The following TNFRSF10D variants were observed in gnomAD, a reference collection of about 807,000 sequenced individuals.
The protein encoded by TNFRSF10D is TNF receptor superfamily member 10d, also known as tumor necrosis factor receptor superfamily member 10D.
TNFRSF10D carries 28 observed loss-of-function variants against 42.1 expected under a neutral mutation model. That is an observed-to-expected ratio of 0.66 (90% CI 0.49 to 0.91). The LOEUF (loss-of-function observed/expected upper bound fraction) is 0.91, where lower values mean the gene tolerates loss of function less well. TNFRSF10D is among the 40% of genes least tolerant of loss of function. The pLI is 0.00. For missense variants in TNFRSF10D, 503 were observed against 486.1 expected (o/e 1.03, Z -0.33); for synonymous variants, 186 against 189.4 (o/e 0.98, Z 0.15).
intron 7 of TNFRSF10D, among the ~76,000 whole-genome samples, chr8:23,143,614 C>T (rs1354276103): frequency 6.6e-6 from 1 of 151,952 alleles, no homozygotes; most frequent in Non-Finnish European, 1.5e-5. Context: ...GAAAGTGAAC[C>T]TTGTCTAGGT....
At position 23,147,062 on chromosome 8, in the gene TNFRSF10D, A is replaced by T; in HGVS notation, c.381T>A (p.Asn127Lys). ...CTCTGGTCGTGGTACAGGAACTTTTATTTGTTTGACCTGACAACAGAGCAT... is the reference window on the plus strand; with the variant it reads ...CTCTGGTCGTGGTACAGGAACTTTTTTTTGTTTGACCTGACAACAGAGCAT... ...LCTVCKSGQT[N>K]KSSCTTTRDT... The change falls in exon 4 of 9, where the codon AAT becomes AAA. Residue 127 changes from asparagine to lysine, a missense_variant. By Grantham distance (94) the Asn-to-Lys change is moderately conservative. Transcript: ENST00000312584. 1 of 1,613,582 alleles carries T rather than the reference A, an allele frequency of 6.2e-7. No individual in the cohort carries two copies. Among genetic ancestry groups the T allele is most frequent in the Middle Eastern group, 1.7e-4 (1 of 6,060 alleles).
chr8:23,160,622 G>C (rs1800353680), intron 1 of TNFRSF10D, among the ~76,000 whole-genome samples: 1 of 152,176 alleles, frequency 6.6e-6, no homozygotes, highest in African/African-American at 2.4e-5. Context: ...TCTCTGGCTG[G>C]GAGCAGGATA....
At chr8:23,138,671 T>G (rs185302222) in intron 7 of TNFRSF10D, among the ~76,000 whole-genome samples, 904 of 152,104 alleles carry the variant, frequency 5.9e-3, no homozygotes, top group African/African-American at 0.018. Flanking sequence ...CAGGAAAACC[T>G]AACAAAATGA....
intron 2 of TNFRSF10D, among the ~76,000 whole-genome samples, chr8:23,153,304 G>T (rs1316527932): frequency 6.6e-6 from 1 of 152,002 alleles, no homozygotes; most frequent in Non-Finnish European, 1.5e-5. Context: ...CATGACGTTG[G>T]TGTGGGCATT....
At chr8:23,147,859 G>A (rs546759663) in intron 3 of TNFRSF10D, among the ~76,000 whole-genome samples, 20 of 152,008 alleles carry the variant, frequency 1.3e-4, no homozygotes, top group African/African-American at 3.4e-4. Flanking sequence ...TCAGGAGATC[G>A]AGACCATCCT....
At position 23,140,176 on chromosome 8, in the gene TNFRSF10D, C is replaced by G. The variant is rs369718477; in HGVS notation, c.955-1916G>C. ...TGGCAGTGTGCGCCTGTAATCCCAG[C>G]TGCTGGGGAGGCTGAGGCAGGAGAA... On this transcript the variant is annotated intron_variant, in intron 7 of 8. Coordinates refer to ENST00000312584, the MANE Select transcript of TNFRSF10D (RefSeq NM_003840.5). Among the ~76,000 whole-genome samples, 3 of 152,228 alleles carry G rather than the reference C, an allele frequency of 2.0e-5. No individual in the cohort carries two copies. In the East Asian group the frequency reaches 5.8e-4, roughly 29 times the overall value.
At position 23,164,008 on chromosome 8, in the gene TNFRSF10D, A is replaced by C. The variant is rs1800415964; in HGVS notation, c.-73T>G. The C allele has an allele frequency of 1.4e-6, 2 of 1,467,324 alleles. No homozygotes were observed. Among genetic ancestry groups the C allele is most frequent in the African/African-American group, 2.9e-5 (2 of 68,912 alleles). The allele number at this position is 1,467,324 out of a possible 1,614,324, so 90.9% of individuals were successfully genotyped here. A position where few individuals can be genotyped will look rare whatever the true frequency, so the allele number is the denominator to read the frequency against. On this transcript the variant is annotated 5_prime_UTR_variant, in exon 1 of 9. Transcript: ENST00000312584. ...CGTCCCCGTAGTTTGTGCGCGTGCA[A>C]AGGTTCTCGCAGCTACACTGCCAGA...
In TNFRSF10D at chr8:23,145,042, G is replaced by A; in HGVS notation, c.768+16C>T. The A allele has an allele frequency of 1.9e-6, 3 of 1,614,116 alleles. No individual in the cohort carries two copies. Among genetic ancestry groups the A allele is most frequent in the East Asian group, 2.2e-5 (1 of 44,878 alleles). ...TGAACCCACGAAGCCCCCAGTTTCT[G>A]GAGAAACCAACTCACTCTGTGCACA... On this transcript the variant is annotated intron_variant, in intron 6 of 8. Transcript: ENST00000312584.
At position 23,146,993 on chromosome 8, in the gene TNFRSF10D, G is replaced by A. The variant is rs751643747; in HGVS notation, c.450C>T (p.Asn150=). 3.7e-6 allele frequency: 6 copies of A among 1,613,282 alleles called. No homozygotes were observed. The highest frequency in any genetic ancestry group is 5.1e-6 in the Non-Finnish European group (6 of 1,180,026). ...QCEKGSFQDK[N]SPEMCRTCRT... is the part of the protein sequence containing the mutation. ...TACACGTCCGGCACATCTCAGGGGAGTTTTTATCCTGGAAGCTTCCTTTTT... is the reference window on the plus strand; with the variant it reads ...TACACGTCCGGCACATCTCAGGGGAATTTTTATCCTGGAAGCTTCCTTTTT... Residue 150 remains asparagine (N), a synonymous_variant, in exon 4 of 9, where the codon AAC becomes AAT. Coordinates refer to ENST00000312584, the MANE Select transcript of TNFRSF10D (RefSeq NM_003840.5).
intron 1 of TNFRSF10D, among the ~76,000 whole-genome samples, chr8:23,158,695 C>T (rs1156838928): frequency 2.0e-5 from 3 of 152,272 alleles, no homozygotes; most frequent in African/African-American, 7.2e-5. Context: ...TAACTGGGTA[C>T]TGACTTTTTA....
chr8:23,145,933 C>A lies in TNFRSF10D; in HGVS notation c.483-12G>T. The A allele has an allele frequency of 6.2e-7, 1 of 1,614,004 alleles. No individual in the cohort carries two copies. Among genetic ancestry groups the A allele is most frequent in the Non-Finnish European group, 8.5e-7 (1 of 1,180,020 alleles). On this transcript the variant is annotated splice_polypyrimidine_tract_variant and intron_variant, in intron 4 of 8. Transcript: ENST00000312584. ...TCCCTCTGGGACACCTGGGTACACA[C>A]AGAGAGGGAGACAGGGACTCTTGAT...
chr8:23,144,109 G>A (rs1405110557), intron 7 of TNFRSF10D, among the ~76,000 whole-genome samples: 5 of 152,172 alleles, frequency 3.3e-5, no homozygotes, highest in East Asian at 1.9e-4. Context: ...TAAAACTTCC[G>A]CTGTTTCAAG....
At chr8:23,153,625 C>G (rs754975337) in intron 2 of TNFRSF10D, among the ~76,000 whole-genome samples, 2 of 152,074 alleles carry the variant, frequency 1.3e-5, no homozygotes. Flanking sequence ...GAAAAAAATG[C>G]TCAACATCAC....
intron 3 of TNFRSF10D, 45 bp from the exon 4 acceptor site, chr8:23,147,117 G>C (rs769776322): frequency 1.3e-6 from 2 of 1,520,404 alleles, no homozygotes; most frequent in Non-Finnish European, 1.8e-6. Context: ...TCCCTGACAT[G>C]TCTGTCCACC....
At chr8:23,153,869 T>G (rs189851948) in intron 2 of TNFRSF10D, among the ~76,000 whole-genome samples, 926 of 152,200 alleles carry the variant, frequency 6.1e-3, no homozygotes, top group African/African-American at 0.019. Context: ...CCCAGTATTG[T>G]GTATACATCC....
In TNFRSF10D at chr8:23,137,763, G is replaced by T; in HGVS notation, c.*107C>A. 7.0e-7 allele frequency: 1 copy of T among 1,431,538 alleles called. No individual in the cohort carries two copies. The highest frequency in any genetic ancestry group is 9.4e-7 in the Non-Finnish European group (1 of 1,061,374). 88.7% of individuals were successfully genotyped at this position (1,431,538 alleles called of 1,614,324 possible). ...GTAAGCTGCCCCATATTGGATAGTA[G>T]AGTTTGTTGGGGCATGGGTCAAGTA... On this transcript the variant is annotated 3_prime_UTR_variant, in exon 9 of 9. Transcript: ENST00000312584.
At chr8:23,157,594 T>A (rs951578572) in intron 1 of TNFRSF10D, among the ~76,000 whole-genome samples, 1 of 152,236 alleles carries the variant, frequency 6.6e-6, no homozygotes, top group Non-Finnish European at 1.5e-5. Context: ...CTTGCCACTT[T>A]ACCGGGGTTT....
intron 2 of TNFRSF10D, among the ~76,000 whole-genome samples, chr8:23,152,976 T>C (rs1800229285): frequency 1.3e-5 from 2 of 152,198 alleles, no homozygotes; most frequent in African/African-American, 2.4e-5. Flanking sequence ...GATTCTTAAA[T>C]ATATTACAAA....
intron 1 of TNFRSF10D, among the ~76,000 whole-genome samples, chr8:23,158,006 T>C (rs917109103): frequency 7.9e-5 from 12 of 151,982 alleles, no homozygotes; most frequent in African/African-American, 2.9e-4. Context: ...ATTTCAGGAG[T>C]GGGGAGAAGT....
Sources: gnomAD v4.1 joint callset for allele counts (sites outside exome capture counted in the v4.1 genomes callset) on GRCh38, gnomAD v4.1.1 for gene constraint, MANE v1.5 for transcripts, NCBI Gene and HGNC (gene_info 2026-07-23, HGNC 2026-07-21) for gene names.